Variants in MAGI2 observed in about 807,000 individuals in gnomAD.
MAGI2 encodes the protein membrane associated guanylate kinase, WW and PDZ domain containing 2.
MAGI2 carries 35 observed loss-of-function variants against 133.3 expected under a neutral mutation model. That is an observed-to-expected ratio of 0.26 (90% CI 0.20 to 0.35). The LOEUF (loss-of-function observed/expected upper bound fraction) is 0.35. Ranked by LOEUF, MAGI2 falls within the 10% of genes least tolerant of loss-of-function variation. The probability of loss-of-function intolerance (pLI) is 1.00; values close to 1 mark genes in which losing one functional copy is unlikely to be tolerated. For synonymous variants in MAGI2, 729 were observed against 710.6 expected, an observed-to-expected ratio of 1.03 and a Z score of -0.41; for missense variants, 1,636 against 1,863.4, an observed-to-expected ratio of 0.88 and a Z score of 2.25.
At chr7:79,421,422 C>T (rs1364743339) in intron 1 of MAGI2, among the ~76,000 whole-genome samples, 1 of 151,882 alleles carries the variant, frequency 6.6e-6, no homozygotes, top group African/African-American at 2.4e-5. Context: ...TAGGGTGTGA[C>T]AGAATGCCCA....
intron 1 of MAGI2, among the ~76,000 whole-genome samples, chr7:79,028,235 GTATATATATATATATA>G (rs1174096501): frequency 3.4e-5 from 1 of 29,334 alleles, no homozygotes; most frequent in Admixed American, 4.2e-4. Flanking sequence ...ATATATGTAT[GTATATATATATATATA>G]TATATATATA....
At position 78,906,771 on chromosome 7, in the gene MAGI2, G is replaced by A. The variant is rs559303496; in HGVS notation, c.418+100319C>T. On this transcript the variant is annotated intron_variant, in intron 2 of 21. Coordinates refer to ENST00000354212, the MANE Select transcript of MAGI2 (RefSeq NM_012301.4). Reference sequence around the variant, plus strand: ...GAAATTATAAACATCTCTAGGGTCAGTTTCTAAATGGGAGCTTCATACACA... The same window carrying A: ...GAAATTATAAACATCTCTAGGGTCAATTTCTAAATGGGAGCTTCATACACA... 2.2e-5 allele frequency among the ~76,000 whole-genome samples: 3 copies of A among 134,832 alleles called. No homozygotes were observed. In the East Asian group the frequency reaches 8.6e-4, roughly 39 times the overall value. The allele number at this position is 134,832 out of a possible 152,430, so 88.5% of individuals were successfully genotyped here.
At chr7:78,167,784 T>C (rs1825751745) in intron 15 of MAGI2, 132 bp downstream of exon 15, 1 of 803,188 alleles carries the variant, frequency 1.2e-6, no homozygotes, top group Non-Finnish European at 1.9e-6. Flanking sequence ...ACTTTTGGAA[T>C]ATCTAGGTTG....
intron 1 of MAGI2, among the ~76,000 whole-genome samples, chr7:79,218,112 A>C (rs1166714724): frequency 6.6e-6 from 1 of 152,058 alleles, no homozygotes; most frequent in Non-Finnish European, 1.5e-5. Flanking sequence ...AAAGAGCAGG[A>C]GAGTGGCTAT....
intron 9 of MAGI2, among the ~76,000 whole-genome samples, chr7:78,283,902 C>T (rs1167978235): frequency 1.3e-5 from 2 of 152,014 alleles, no homozygotes; most frequent in Non-Finnish European, 2.9e-5. Flanking sequence ...TGTTAATAGG[C>T]CATAAATGGG....
chr7:79,382,973 G>A (rs1043042682), intron 1 of MAGI2, among the ~76,000 whole-genome samples: 1 of 151,486 alleles, frequency 6.6e-6, no homozygotes, highest in African/African-American at 2.4e-5. Context: ...TATAAAATAA[G>A]TTCTCAATTG....
At chr7:79,436,799 A>G (rs1271407508) in intron 1 of MAGI2, among the ~76,000 whole-genome samples, 1 of 152,174 alleles carries the variant, frequency 6.6e-6, no homozygotes, top group Non-Finnish European at 1.5e-5. Flanking sequence ...GAATTCTAAA[A>G]GTAATAAAAA....
intron 3 of MAGI2, among the ~76,000 whole-genome samples, chr7:78,573,024 T>G: frequency 1.1e-5 from 1 of 88,332 alleles, no homozygotes; most frequent in Non-Finnish European, 2.0e-5. Flanking sequence ...GATATATATA[T>G]GCATATGTAT....
intron 3 of MAGI2, among the ~76,000 whole-genome samples, chr7:78,552,634 G>A (rs936378740): frequency 1.3e-5 from 2 of 152,136 alleles, no homozygotes; most frequent in Non-Finnish European, 2.9e-5. Context: ...GTCTGTAGAT[G>A]CCGTACTGTA....
intron 2 of MAGI2, among the ~76,000 whole-genome samples, chr7:78,915,195 G>A (rs1010898300): frequency 6.6e-6 from 1 of 152,026 alleles, no homozygotes; most frequent in East Asian, 1.9e-4. Flanking sequence ...GAGGGCCCAC[G>A]GTGTGAATCT....
In MAGI2 at chr7:79,214,693, TTATACATAAA is replaced by T. The variant is rs1185270311; in HGVS notation, c.302-207497_302-207488del. ...TGAAATATAAATATATAATATATAT[TTATACATAAA>T]TATACATAAATATAAATATATAAAT... On this transcript the variant is annotated intron_variant, in intron 1 of 21. Transcript: ENST00000354212. Among the ~76,000 whole-genome samples the T allele has an allele frequency of 3.8e-4, 52 of 137,880 alleles. 1 individual carries two copies. Among genetic ancestry groups the T allele is most frequent in the African/African-American group, 1.2e-3 (44 of 37,476 alleles). 90.5% of individuals were successfully genotyped at this position (137,880 alleles called of 152,430 possible). A position where few individuals can be genotyped will look rare whatever the true frequency, so the allele number is the denominator to read the frequency against.
chr7:78,737,545 A>C (rs1448143060), intron 2 of MAGI2, among the ~76,000 whole-genome samples: 1 of 152,190 alleles, frequency 6.6e-6, no homozygotes, highest in African/African-American at 2.4e-5. Context: ...CCAACTGCAT[A>C]TCTGTGTCAG....
intron 2 of MAGI2, among the ~76,000 whole-genome samples, chr7:78,898,989 A>C (rs766261940): frequency 6.6e-6 from 1 of 152,122 alleles, no homozygotes; most frequent in Non-Finnish European, 1.5e-5. Context: ...GAATTTGGCC[A>C]TGTAGAAGTA....
At chr7:78,202,861 TA>T (rs998254178) in intron 10 of MAGI2, among the ~76,000 whole-genome samples, 28 of 152,230 alleles carry the variant, frequency 1.8e-4, no homozygotes, top group Non-Finnish European at 3.4e-4. Context: ...TTCCAATTAA[TA>T]AAAAAATTCT....
chr7:78,869,996 C>G (rs1794900198), intron 2 of MAGI2, among the ~76,000 whole-genome samples: 1 of 152,118 alleles, frequency 6.6e-6, no homozygotes, highest in African/African-American at 2.4e-5. Flanking sequence ...TAACTATAGC[C>G]TTGTAGTATA....
chr7:79,382,288 C>G (rs1028362066), intron 1 of MAGI2, among the ~76,000 whole-genome samples: 1 of 151,656 alleles, frequency 6.6e-6, no homozygotes, highest in Non-Finnish European at 1.5e-5. Flanking sequence ...TTCAAGTTCA[C>G]TATTGAGAAG....
At chr7:79,037,756 G>A (rs1484622873) in intron 1 of MAGI2, among the ~76,000 whole-genome samples, 2 of 152,160 alleles carry the variant, frequency 1.3e-5, no homozygotes, top group Non-Finnish European at 2.9e-5. Flanking sequence ...TGATTGATAT[G>A]TCATGTAAGG....
At chr7:78,084,746 C>T (rs767664692) in intron 20 of MAGI2, among the ~76,000 whole-genome samples, 16 of 152,216 alleles carry the variant, frequency 1.1e-4, no homozygotes, top group Non-Finnish European at 1.9e-4. Context: ...AGGGTCTTTG[C>T]TGCTGCAGTC....
chr7:78,351,510 T>C (rs1309893951), intron 7 of MAGI2, among the ~76,000 whole-genome samples: 1 of 151,826 alleles, frequency 6.6e-6, no homozygotes, highest in Non-Finnish European at 1.5e-5. Context: ...AGGACTGGCT[T>C]GGGGCTTGGC....
Sources: allele counts gnomAD v4.1 joint callset (sites outside exome capture counted in the v4.1 genomes callset), GRCh38; gene constraint gnomAD v4.1.1; transcripts MANE v1.5; gene names NCBI Gene and HGNC (gene_info 2026-07-23, HGNC 2026-07-21).